The following SSH2 variants were observed in gnomAD, a reference collection of about 807,000 sequenced individuals.
SSH2 encodes the protein slingshot protein phosphatase 2, also known as protein phosphatase Slingshot homolog 2.
In SSH2, 37 loss-of-function variants were observed where a neutral mutation model predicts 135.2. The observed-to-expected ratio is 0.27, with a 90% CI of 0.21 to 0.36. The LOEUF (loss-of-function observed/expected upper bound fraction) is 0.36. Ranked by LOEUF, SSH2 falls within the 10% of genes least tolerant of loss-of-function variation. SSH2 has a pLI of 1.00. For missense variants in SSH2, 1,408 were observed against 1,765.3 expected (o/e 0.80, Z 3.63); for synonymous variants, 628 against 646.2 (o/e 0.97, Z 0.43).
intron 5 of SSH2, among the ~76,000 whole-genome samples, chr17:29,687,771 C>T (rs914847164): frequency 3.9e-5 from 6 of 152,182 alleles, no homozygotes; most frequent in Non-Finnish European, 7.3e-5. Flanking sequence ...TCTCTGTCAA[C>T]GCTCCAAGAA....
intron 2 of SSH2, among the ~76,000 whole-genome samples, chr17:29,848,216 A>G (rs1400970811): frequency 6.6e-6 from 1 of 152,204 alleles, no homozygotes; most frequent in Non-Finnish European, 1.5e-5. Flanking sequence ...TCATTGCAAC[A>G]CACAAAAATA....
intron 3 of SSH2, among the ~76,000 whole-genome samples, chr17:29,765,262 A>C (rs994523304): frequency 1.3e-5 from 2 of 152,222 alleles, no homozygotes; most frequent in Admixed American, 6.5e-5. Flanking sequence ...AGTAGAGCCC[A>C]GTAGTTAAAA....
At position 29,631,498 on chromosome 17, in the gene SSH2, T is replaced by C. The variant is rs971529425; in HGVS notation, c.3696A>G (p.Pro1232=). 10 of 1,613,994 alleles carry C rather than the reference T, an allele frequency of 6.2e-6. No individual in the cohort carries two copies. Among genetic ancestry groups the C allele is most frequent in the African/African-American group, 4.0e-5 (3 of 74,888 alleles). Residue 1232 remains proline, a synonymous_variant, in exon 16 of 16, where the codon CCA becomes CCG. Coordinates refer to ENST00000540801, the MANE Select transcript of SSH2 (RefSeq NM_001282129.2). ...GTGGGAGTCGACAGGCTACAGGCAA[T>C]GGGTCCATTTTCTCCTGTAACTCCC... is the stretch of plus-strand genomic sequence containing the variant. ...NTGELQEKMD[P]LPVACRLPHS...
chr17:29,903,433 A>T (rs2066597885), intron 1 of SSH2, among the ~76,000 whole-genome samples: 1 of 151,090 alleles, frequency 6.6e-6, no homozygotes, highest in African/African-American at 2.4e-5. Flanking sequence ...CTGCTTGGAA[A>T]CTGTGTTTAA....
At chr17:29,781,245 ATAT>A in intron 3 of SSH2, among the ~76,000 whole-genome samples, 1 of 152,336 alleles carries the variant, frequency 6.6e-6, no homozygotes, top group Middle Eastern at 3.4e-3. Flanking sequence ...AATAGTATAT[ATAT>A]TGTCATGATA....
At chr17:29,761,552 T>G in intron 3 of SSH2, 2 of 474,326 alleles carry the variant, frequency 4.2e-6, no homozygotes, top group Non-Finnish European at 5.5e-6. Flanking sequence ...CCCGCGCGGA[T>G]CCCGCAGCGC....
chr17:29,785,598 C>T (rs2041941993), intron 3 of SSH2, among the ~76,000 whole-genome samples: 2 of 144,398 alleles, frequency 1.4e-5, no homozygotes. Flanking sequence ...TTCCCGGGTT[C>T]AAGCGATTCT....
At chr17:29,666,728 G>A in intron 11 of SSH2, 139 bp downstream of exon 11, 1 of 727,118 alleles carries the variant, frequency 1.4e-6, no homozygotes, top group East Asian at 2.8e-5. Flanking sequence ...AGGAAGTGAT[G>A]AGGTTTGAGT....
At chr17:29,915,964 T>C (rs1599190365) in intron 1 of SSH2, among the ~76,000 whole-genome samples, 1 of 146,800 alleles carries the variant, frequency 6.8e-6, no homozygotes, top group Non-Finnish European at 1.5e-5. Flanking sequence ...TATCTCCTAA[T>C]GCTATCCCTC....
At chr17:29,782,893 G>T (rs972738262) in intron 3 of SSH2, among the ~76,000 whole-genome samples, 1 of 152,094 alleles carries the variant, frequency 6.6e-6, no homozygotes, top group African/African-American at 2.4e-5. Context: ...GCTAATTTTT[G>T]TATTTTTAGT....
intron 2 of SSH2, among the ~76,000 whole-genome samples, chr17:29,846,227 G>A (rs1328935660): frequency 6.6e-6 from 1 of 152,064 alleles, no homozygotes; most frequent in Admixed American, 6.5e-5. Flanking sequence ...TAGAGACGGG[G>A]TTTCACCATG....
chr17:29,670,523 G>A (rs1171175919), intron 9 of SSH2, among the ~76,000 whole-genome samples: 10 of 152,186 alleles, frequency 6.6e-5, no homozygotes, highest in African/African-American at 2.4e-4. Flanking sequence ...TAGGGCAGGT[G>A]TGGTGGCTAC....
chr17:29,667,098 C>T (rs2037309864), intron 10 of SSH2, 32 bp downstream of exon 10: 1 of 1,605,718 alleles, frequency 6.2e-7, no homozygotes, highest in South Asian at 1.1e-5. Flanking sequence ...CACTGCTAGC[C>T]TTGGAACAAA....
At chr17:29,891,922 AAAC>A (rs1466997127) in intron 1 of SSH2, among the ~76,000 whole-genome samples, 3 of 152,202 alleles carry the variant, frequency 2.0e-5, no homozygotes, top group Non-Finnish European at 2.9e-5. Flanking sequence ...GATTTTGTAT[AAAC>A]AATATATAGC....
intron 1 of SSH2, among the ~76,000 whole-genome samples, chr17:29,904,195 CA>C (rs1016190276): frequency 6.6e-5 from 10 of 151,992 alleles, no homozygotes; most frequent in Middle Eastern, 3.2e-3. Context: ...AGACATACAA[CA>C]AAAAAAGAAA....
chr17:29,901,648 T>C (rs1478703806), intron 1 of SSH2, among the ~76,000 whole-genome samples: 1 of 152,150 alleles, frequency 6.6e-6, no homozygotes, highest in Non-Finnish European at 1.5e-5. Context: ...TGAACTTTAA[T>C]CTTACTAATA....
chr17:29,861,678 C>G (rs1023997822), intron 1 of SSH2, among the ~76,000 whole-genome samples: 2 of 152,060 alleles, frequency 1.3e-5, no homozygotes, highest in East Asian at 1.9e-4. Flanking sequence ...ATTCTCCTGC[C>G]TTAGCCTCCC....
chr17:29,638,283 A>C (rs1444082984), intron 14 of SSH2, among the ~76,000 whole-genome samples: 1 of 144,330 alleles, frequency 6.9e-6, no homozygotes, highest in African/African-American at 2.6e-5. Flanking sequence ...CTGTGGTAAG[A>C]AAAAAAAAAA....
rs563337262 is a variant in SSH2 at position 29,628,271 on chromosome 17, A to G, written c.*2570T>C. On this transcript the variant is annotated 3_prime_UTR_variant, in exon 16 of 16. Coordinates refer to ENST00000540801, the MANE Select transcript of SSH2 (RefSeq NM_001282129.2). ...TTTATTTAGGCAGGTAAATTAAATG[A>G]TAAAAAAAGTAATTATAAAAAGGCA... 2.0e-5 allele frequency: 3 copies of G among 152,250 alleles called. No individual in the cohort carries two copies. The highest frequency in any genetic ancestry group is 4.4e-5 in the Non-Finnish European group (3 of 68,050). 9.4% of individuals were successfully genotyped at this position (152,250 alleles called of 1,614,324 possible).
Sources: gnomAD v4.1 joint callset for allele counts (sites outside exome capture counted in the v4.1 genomes callset) on GRCh38, gnomAD v4.1.1 for gene constraint, MANE v1.5 for transcripts, NCBI Gene and HGNC (gene_info 2026-07-23, HGNC 2026-07-21) for gene names.